Variants in COBLL1 observed in about 807,000 individuals in gnomAD.
COBLL1 encodes the protein cordon-bleu WH2 repeat protein like 1, also known as cordon-bleu protein-like 1.
A neutral mutation model predicts 94.8 loss-of-function variants in COBLL1; 50 were observed. The ratio of observed to expected loss-of-function variants is 0.53; its 90% CI spans 0.42 to 0.67. The LOEUF is 0.67. COBLL1 is among the 30% of genes least tolerant of loss of function. The pLI, the probability that COBLL1 is intolerant of heterozygous loss-of-function variation, is 0.00. For synonymous variants in COBLL1, 448 were observed against 473.8 expected (o/e 0.95, Z 0.71); for missense variants, 1,362 against 1,348.7 (o/e 1.01, Z -0.15).
intron 1 of COBLL1, among the ~76,000 whole-genome samples, chr2:164,672,555 C>T (rs1393726305): frequency 6.6e-6 from 1 of 151,380 alleles, no homozygotes; most frequent in Non-Finnish European, 1.5e-5. Context: ...AAAAATTAGC[C>T]GGGCGCGGTG....
At chr2:164,690,538 C>T (rs1683539410) in intron 13 of COBLL1, among the ~76,000 whole-genome samples, 1 of 152,158 alleles carries the variant, frequency 6.6e-6, no homozygotes, top group Non-Finnish European at 1.5e-5. Context: ...TAGCTGCTGG[C>T]CTGTATAATT....
intron 11 of COBLL1, 79 bp downstream of exon 11, chr2:164,699,326 A>G: frequency 1.1e-6 from 1 of 875,990 alleles, no homozygotes; most frequent in South Asian, 1.3e-5. Context: ...AAATGAGTTA[A>G]TACATATAAA....
At chr2:164,722,034 G>T in intron 7 of COBLL1, 41 bp downstream of exon 7, 1 of 1,432,176 alleles carries the variant, frequency 7.0e-7, no homozygotes, top group Non-Finnish European at 9.5e-7. Context: ...ATGGTACACT[G>T]CCTCATCCAA....
intron 1 of COBLL1, among the ~76,000 whole-genome samples, chr2:164,670,257 T>C (rs1462575446): frequency 6.6e-6 from 1 of 152,166 alleles, no homozygotes; most frequent in East Asian, 1.9e-4. Context: ...AAAGCAGTCC[T>C]TCCCATCAGA....
intron 2 of COBLL1, among the ~76,000 whole-genome samples, chr2:164,775,735 T>A (rs1189367845): frequency 6.6e-6 from 1 of 152,168 alleles, no homozygotes; most frequent in Admixed American, 6.5e-5. Context: ...ATTACAGGCG[T>A]GAGCCACGGC....
intron 2 of COBLL1, among the ~76,000 whole-genome samples, chr2:164,760,266 C>T (rs1362324270): frequency 6.6e-6 from 1 of 152,106 alleles, no homozygotes; most frequent in East Asian, 1.9e-4. Flanking sequence ...CTCAAGGGTA[C>T]TAGGCTGACT....
intron 2 of COBLL1, among the ~76,000 whole-genome samples, chr2:164,791,764 C>A (rs114637292): frequency 0.011 from 1,692 of 152,240 alleles, 13 homozygotes; most frequent in Middle Eastern, 0.044. Flanking sequence ...GGTAGCAGTA[C>A]CTCTGGCAGG....
chr2:164,687,353 T>C lies in COBLL1; in HGVS notation c.3301-1321A>G, dbSNP rs768336557. On this transcript the variant is annotated intron_variant, in intron 13 of 13. Coordinates refer to ENST00000652658, the MANE Select transcript of COBLL1 (RefSeq NM_001365672.2). Reference sequence around the variant, plus strand: ...GGATGTACTTGACCCCACAGCCATATGAGCCACTTCTCAGCCACCATGTCT... The same window carrying C: ...GGATGTACTTGACCCCACAGCCATACGAGCCACTTCTCAGCCACCATGTCT... 1.6e-4 allele frequency: 115 copies of C among 707,438 alleles called. 1 individual carries two copies. The highest frequency in any genetic ancestry group is 2.5e-4 in the Non-Finnish European group (100 of 393,298). The allele number at this position is 707,438 out of a possible 1,614,324, so 43.8% of individuals were successfully genotyped here.
chr2:164,676,434 G>T (rs933712954), downstream of COBLL1, among the ~76,000 whole-genome samples: 4 of 152,138 alleles, frequency 2.6e-5, no homozygotes, highest in African/African-American at 9.7e-5. Context: ...AGTAAGGACT[G>T]GGAAGAGCCC....
chr2:164,737,481 T>TA (rs2105542125), intron 3 of COBLL1, among the ~76,000 whole-genome samples: 2 of 152,264 alleles, frequency 1.3e-5, no homozygotes, highest in South Asian at 4.1e-4. Flanking sequence ...CTTGCACAGT[T>TA]AAAATGCCAA....
chr2:164,796,369 T>G (rs1683458929), intron 2 of COBLL1, among the ~76,000 whole-genome samples: 1 of 151,818 alleles, frequency 6.6e-6, no homozygotes, highest in South Asian at 2.1e-4. Flanking sequence ...TGAAAATGAA[T>G]TAACATGAAA....
chr2:164,694,394 T>A lies in COBLL1; in HGVS notation c.2998A>T (p.Ser1000Cys), dbSNP rs377299562. Reference sequence around the variant, plus strand: ...CTAGGTGACTCGGTGCGCTCTTTACTGAAAGACTGTGACCTTTTCACTACA... The same window carrying A: ...CTAGGTGACTCGGTGCGCTCTTTACAGAAAGACTGTGACCTTTTCACTACA... ...LAVVKRSQSF[S>C]KERTESPSAS... Residue 1000 changes from serine to cysteine, a missense_variant, in exon 12 of 14, where the codon AGT (serine) becomes TGT (cysteine). Transcript: ENST00000652658. 6.2e-6 allele frequency: 10 copies of A among 1,613,992 alleles called. No individual in the cohort carries two copies. The highest frequency in any genetic ancestry group is 2.2e-5 in the South Asian group (2 of 91,080).
intron 2 of COBLL1, among the ~76,000 whole-genome samples, chr2:164,789,141 A>G (rs1683043929): frequency 6.6e-6 from 1 of 151,990 alleles, no homozygotes; most frequent in African/African-American, 2.4e-5. Context: ...ATAGGAGTTC[A>G]AATCCAGCCT....
intron 2 of COBLL1, among the ~76,000 whole-genome samples, chr2:164,802,150 T>C (rs112572335): frequency 1.3e-5 from 2 of 152,324 alleles, no homozygotes; most frequent in Admixed American, 6.5e-5. Context: ...CAGATTAAGA[T>C]TCATAAATAA....
intron 2 of COBLL1, among the ~76,000 whole-genome samples, chr2:164,835,705 G>A (rs1683289190): frequency 6.6e-6 from 1 of 152,128 alleles, no homozygotes; most frequent in South Asian, 2.1e-4. Context: ...CAGGTAGAGG[G>A]CTGTTTTGAC....
intron 2 of COBLL1, among the ~76,000 whole-genome samples, chr2:164,800,277 G>C (rs355914): frequency 0.65 from 99,398 of 152,020 alleles, 33,295 homozygotes; most frequent in African/African-American, 0.79. Flanking sequence ...TTAAACAGTT[G>C]TCTCAAAAAA....
Position 164,775,548 on chromosome 2 carries a change from C to T in COBLL1, c.42-31673G>A, listed in dbSNP as rs183895823. Among the ~76,000 whole-genome samples, 8 of 152,224 alleles carry T rather than the reference C, an allele frequency of 5.3e-5. No homozygotes were observed. In the East Asian group the frequency reaches 7.7e-4, roughly 15 times the overall value. ...TGTGACTTTGGCTCACTGCAACCTCCGCCTACCAGATTCAAGTAATTCTCC... is the reference window on the plus strand; with the variant it reads ...TGTGACTTTGGCTCACTGCAACCTCTGCCTACCAGATTCAAGTAATTCTCC... On this transcript the variant is annotated intron_variant, in intron 2 of 13. Transcript: ENST00000652658.
chr2:164,759,292 A>C (rs539287187), intron 2 of COBLL1, among the ~76,000 whole-genome samples: 65 of 152,310 alleles, frequency 4.3e-4, no homozygotes, highest in African/African-American at 1.5e-3. Context: ...TGCCAAAATA[A>C]TTTTCCTAGT....
Position 164,700,748 on chromosome 2 carries a change from T to C in COBLL1, c.1234A>G (p.Ser412Gly). The change falls in exon 10 of 14, where the codon AGC (serine) becomes GGC (glycine). Residue 412 changes from serine (S) to glycine (G), a missense_variant. Physicochemically the swap from Ser to Gly is moderately conservative, Grantham distance 56 (BLOSUM62 0). Transcript: ENST00000652658. The stretch of plus-strand genomic sequence containing the variant: ...ATCTCTTCAAGGCTATAATCAGAGC[T>C]TATTCCAGCTACAAAGAAATGCAGA... Reference protein sequence around the residue: ...PEELSSPAGISSDYSLEEIDE... With the variant: ...PEELSSPAGIGSDYSLEEIDE... The C allele has an allele frequency of 6.3e-7, 1 of 1,580,658 alleles. No homozygotes were observed. Among genetic ancestry groups the C allele is most frequent in the Non-Finnish European group, 8.7e-7 (1 of 1,152,788 alleles).
Sources: gnomAD v4.1 joint callset for allele counts (sites outside exome capture counted in the v4.1 genomes callset) on GRCh38, gnomAD v4.1.1 for gene constraint, MANE v1.5 for transcripts, NCBI Gene and HGNC (gene_info 2026-07-23, HGNC 2026-07-21) for gene names.